The following RNF6 variants were observed in gnomAD, a reference collection of about 807,000 sequenced individuals.
The protein encoded by RNF6 is ring finger protein 6, also known as E3 ubiquitin-protein ligase RNF6.
A neutral mutation model predicts 50.1 loss-of-function variants in RNF6; 21 were observed. That is an observed-to-expected ratio of 0.42 (90% CI 0.30 to 0.60). The LOEUF is 0.60. RNF6 is among the 20% of genes least tolerant of loss of function. The pLI, the probability that RNF6 is intolerant of heterozygous loss-of-function variation, is 0.20. For missense variants in RNF6, 698 were observed against 838.2 expected (o/e 0.83, Z 2.07); for synonymous variants, 255 against 291.8 (o/e 0.87, Z 1.29).
chr13:26,175,128 T>A (rs887415658), intron 5 of RNF6, among the ~76,000 whole-genome samples: 2 of 152,174 alleles, frequency 1.3e-5, no homozygotes, highest in Admixed American at 6.5e-5. Context: ...TCACCCAGGC[T>A]GGAGTGCAAT....
chr13:26,142,226 C>A (rs998130685), intron 5 of RNF6: 1 of 152,194 alleles, frequency 6.6e-6, no homozygotes, highest in Non-Finnish European at 1.5e-5. Flanking sequence ...AGTCAAAAAA[C>A]AACAGATGTT....
chr13:26,208,635 C>G (rs1439649688), downstream of RNF6, among the ~76,000 whole-genome samples: 1 of 152,098 alleles, frequency 6.6e-6, no homozygotes, highest in African/African-American at 2.4e-5. Context: ...TTGGAGACCC[C>G]CAACACAGAG....
chr13:26,210,825 AC>A (rs1869292193), downstream of RNF6, among the ~76,000 whole-genome samples: 1 of 152,198 alleles, frequency 6.6e-6, no homozygotes, highest in Admixed American at 6.5e-5. Flanking sequence ...AAGGAAAATA[AC>A]CTCGTAAGAG....
At chr13:26,149,594 AAAAG>A (rs1871446589) in intron 5 of RNF6, among the ~76,000 whole-genome samples, 1 of 151,908 alleles carries the variant, frequency 6.6e-6, no homozygotes, top group Admixed American at 6.6e-5. Flanking sequence ...CTAAAAAAAA[AAAAG>A]AAAGAAAAAA....
In RNF6 at chr13:26,215,485, T is replaced by C; in HGVS notation, c.397A>G (p.Thr133Ala). 1 of 1,614,162 alleles carries C rather than the reference T, an allele frequency of 6.2e-7. No individual in the cohort carries two copies. Residue 133 changes from threonine to alanine, a missense_variant, in exon 5 of 5, where the codon ACT (threonine) becomes GCT (alanine). By Grantham distance (58) the Thr-to-Ala change is moderately conservative. Transcript: ENST00000381588. ...ATRSGQNGNQTWRAVSRTNPN... is the reference protein window; with the variant it reads ...ATRSGQNGNQAWRAVSRTNPN... ...TTTGTTCGACTCACAGCTCTCCAAG[T>C]TTGGTTCCCATTTTGTCCACTTCGA...
chr13:26,177,034 T>G lies in RNF6; in HGVS notation n.768+38440A>C, dbSNP rs1474541796. 3.3e-5 allele frequency among the ~76,000 whole-genome samples: 5 copies of G among 152,130 alleles called. No homozygotes were observed. In the East Asian group the frequency reaches 9.6e-4, roughly 29 times the overall value. On this transcript the variant is annotated intron_variant and non_coding_transcript_variant, in intron 5 of 5. Transcript: ENST00000468480. ...ATGACAGCAACAGATATTAGACTGA[T>G]GGGTCTACAAGCCAAGAAGGAAAGA...
intron 1 of RNF6, 66 bp from the exon 2 acceptor site, chr13:26,221,396 T>C (rs1234868426): frequency 1.3e-5 from 2 of 152,178 alleles, no homozygotes; most frequent in Non-Finnish European, 2.9e-5. Flanking sequence ...GAACGGGTGG[T>C]AGTCTCCCCA....
chr13:26,206,127 G>C (rs973353739), intron 5 of RNF6, among the ~76,000 whole-genome samples: 24 of 152,328 alleles, frequency 1.6e-4, no homozygotes, highest in Middle Eastern at 3.4e-3. Flanking sequence ...CCCACAGTCA[G>C]AATAGCCACA....
chr13:26,146,920 T>G (rs1871280213), intron 5 of RNF6, among the ~76,000 whole-genome samples: 1 of 152,166 alleles, frequency 6.6e-6, no homozygotes, highest in Non-Finnish European at 1.5e-5. Flanking sequence ...AGAGCTCTCA[T>G]GAGATCTGGT....
chr13:26,209,519 C>A (rs1182782397), downstream of RNF6, among the ~76,000 whole-genome samples: 2 of 147,218 alleles, frequency 1.4e-5, no homozygotes, highest in African/African-American at 4.9e-5. Flanking sequence ...TATCATTTAT[C>A]CCATAATCTG....
intron 5 of RNF6, among the ~76,000 whole-genome samples, chr13:26,156,874 G>T (rs950351118): frequency 3.9e-5 from 6 of 152,154 alleles, no homozygotes; most frequent in Admixed American, 2.6e-4. Context: ...GTAACAGATG[G>T]GAGTTTATAT....
chr13:26,153,291 A>G (rs1163916125), intron 5 of RNF6, among the ~76,000 whole-genome samples: 1 of 152,058 alleles, frequency 6.6e-6, no homozygotes, highest in East Asian at 1.9e-4. Flanking sequence ...TCAGCTCACT[A>G]TAACCTCCCT....
chr13:26,216,743 AG>A (rs1299932429), intron 4 of RNF6, among the ~76,000 whole-genome samples: 1 of 152,170 alleles, frequency 6.6e-6, no homozygotes, highest in Non-Finnish European at 1.5e-5. Context: ...TCATGAAGTC[AG>A]GAGTTCGAGA....
chr13:26,216,199 T>TA (rs1183015168), intron 4 of RNF6, among the ~76,000 whole-genome samples: 13 of 152,226 alleles, frequency 8.5e-5, no homozygotes, highest in African/African-American at 2.7e-4. Context: ...TTAAGGTCTC[T>TA]ATGGCTGATC....
intron 5 of RNF6, among the ~76,000 whole-genome samples, chr13:26,166,982 A>T (rs1324125222): frequency 6.6e-6 from 1 of 152,216 alleles, no homozygotes; most frequent in Non-Finnish European, 1.5e-5. Flanking sequence ...AACTTAAGTC[A>T]ATTAAACCTC....
At chr13:26,159,204 T>C (rs1872084406) in intron 5 of RNF6, among the ~76,000 whole-genome samples, 1 of 152,224 alleles carries the variant, frequency 6.6e-6, no homozygotes, top group African/African-American at 2.4e-5. Context: ...GACATTATAT[T>C]GCCTTTGAGC....
chr13:26,163,236 C>T (rs1018732943), intron 5 of RNF6, among the ~76,000 whole-genome samples: 2 of 151,868 alleles, frequency 1.3e-5, no homozygotes, highest in East Asian at 1.9e-4. Context: ...GGCGTGAACC[C>T]GGGAGGCGGA....
chr13:26,164,819 G>T (rs1446701362), intron 5 of RNF6, among the ~76,000 whole-genome samples: 1 of 152,100 alleles, frequency 6.6e-6, no homozygotes, highest in Non-Finnish European at 1.5e-5. Context: ...GAATGACTTT[G>T]GGTGCTGTTA....
At chr13:26,177,111 G>C (rs1872995274) in intron 5 of RNF6, among the ~76,000 whole-genome samples, 1 of 152,142 alleles carries the variant, frequency 6.6e-6, no homozygotes, top group Admixed American at 6.5e-5. Flanking sequence ...TCTGTCCAGA[G>C]TCTCAGAGGG....
Sources: allele counts gnomAD v4.1 joint callset (sites outside exome capture counted in the v4.1 genomes callset), GRCh38; gene constraint gnomAD v4.1.1; transcripts MANE v1.5; gene names NCBI Gene and HGNC (gene_info 2026-07-23, HGNC 2026-07-21).